TUB: variants seen among roughly 807,000 people sequenced by gnomAD.
The protein encoded by TUB is TUB bipartite transcription factor.
A neutral mutation model predicts 59.7 loss-of-function variants in TUB; 33 were observed. That is an observed-to-expected ratio of 0.55 (90% CI 0.42 to 0.74). The LOEUF is 0.74. TUB is among the 30% of genes least tolerant of loss of function. The pLI, the probability that TUB is intolerant of heterozygous loss-of-function variation, is 0.00. For synonymous variants in TUB, 293 were observed against 256.4 expected (o/e 1.14, Z -1.36); for missense variants, 659 against 672.0 (o/e 0.98, Z 0.21).
At chr11:8,093,923 G>T in intron 3 of TUB, 123 bp from the exon 4 acceptor site, 1 of 1,129,334 alleles carries the variant, frequency 8.9e-7, no homozygotes. Flanking sequence ...AAGTGGTACA[G>T]GGGCCCTGGT....
chr11:8,052,144 G>T (rs1275496278), intron 2 of TUB, among the ~76,000 whole-genome samples: 1 of 152,160 alleles, frequency 6.6e-6, no homozygotes, highest in East Asian at 1.9e-4. Context: ...TTCTTTTACG[G>T]TTACAAAATT....
intron 2 of TUB, among the ~76,000 whole-genome samples, chr11:8,047,826 C>A (rs1458398861): frequency 6.6e-6 from 1 of 152,178 alleles, no homozygotes; most frequent in Non-Finnish European, 1.5e-5. Context: ...CACAAAGAGC[C>A]TGATGCATCA....
chr11:8,079,177 G>A (rs989969567), upstream of TUB, among the ~76,000 whole-genome samples: 2 of 152,186 alleles, frequency 1.3e-5, no homozygotes, highest in African/African-American at 4.8e-5. Context: ...AATAAAGGGA[G>A]GAAAACAGCT....
Position 8,100,218 on chromosome 11 carries a change from G to A in TUB, c.1117-285G>A, listed in dbSNP as rs1269024978. ...AGAAACTGCTGATGGATTAGACGTAGGATGTAGAAGAGAGGACTCGAGTGT... is the reference window on the plus strand; with the variant it reads ...AGAAACTGCTGATGGATTAGACGTAAGATGTAGAAGAGAGGACTCGAGTGT... On this transcript the variant is annotated intron_variant, in intron 9 of 11. Coordinates refer to ENST00000299506, the MANE Select transcript of TUB (RefSeq NM_177972.3). 5.3e-5 allele frequency among the ~76,000 whole-genome samples: 8 copies of A among 152,338 alleles called. No homozygotes were observed. The East Asian group carries it at 1.5e-3, about 29-fold the overall frequency.
intron 2 of TUB, among the ~76,000 whole-genome samples, chr11:8,066,522 G>A (rs1943245093): frequency 6.6e-6 from 1 of 152,202 alleles, no homozygotes; most frequent in South Asian, 2.1e-4. Context: ...GAGGCAGCAG[G>A]GCTGTACAGA....
chr11:8,042,770 T>C (rs544942201), intron 2 of TUB, among the ~76,000 whole-genome samples: 158 of 152,320 alleles, frequency 1.0e-3, no homozygotes, highest in Middle Eastern at 3.4e-3. Context: ...ATATCTCTTA[T>C]CCATTTTTTA....
chr11:8,098,515 T>C lies in TUB; in HGVS notation c.999-243T>C, dbSNP rs534183998. Among the ~76,000 whole-genome samples the C allele has an allele frequency of 7.0e-4, 106 of 152,318 alleles. 1 individual carries two copies. In the South Asian group the frequency reaches 0.015, roughly 22 times the overall value. Reference sequence around the variant, plus strand: ...AGATAAATCTTCTGAAGAATCCTGATTGACCTCCCTGAATTGCTCTCACTG... The same window carrying C: ...AGATAAATCTTCTGAAGAATCCTGACTGACCTCCCTGAATTGCTCTCACTG... On this transcript the variant is annotated intron_variant, in intron 8 of 11. Transcript: ENST00000299506.
chr11:8,051,372 T>C (rs1426485164), intron 2 of TUB, among the ~76,000 whole-genome samples: 1 of 152,240 alleles, frequency 6.6e-6, no homozygotes. Context: ...ATAGCTCTTT[T>C]ATGGATTTGT....
chr11:8,079,281 G>A (rs780476742), upstream of TUB, among the ~76,000 whole-genome samples: 8 of 152,096 alleles, frequency 5.3e-5, no homozygotes, highest in African/African-American at 1.9e-4. Flanking sequence ...TGGAGGGCGC[G>A]GCCTCCAGGG....
chr11:8,092,317 C>T (rs371978476), intron 3 of TUB, among the ~76,000 whole-genome samples: 1 of 152,000 alleles, frequency 6.6e-6, no homozygotes, highest in East Asian at 1.9e-4. Flanking sequence ...GCCTGTAGTC[C>T]CAGCTACGTA....
intron 1 of TUB, among the ~76,000 whole-genome samples, chr11:8,088,828 C>G (rs150334090): frequency 6.6e-6 from 1 of 152,242 alleles, no homozygotes; most frequent in Non-Finnish European, 1.5e-5. Context: ...AGATGAGGCT[C>G]CCTGTCCCAA....
chr11:8,104,475 C>G lies in TUB; in HGVS notation c.*2856C>G, dbSNP rs914852891. ...GTGTTTATTTGGGGAAAAGGGCAAT[C>G]AGCAATCAACTGAGGTTTCTTAATT... On this transcript the variant is annotated 3_prime_UTR_variant, in exon 12 of 12. Transcript: ENST00000299506. 6.6e-6 allele frequency: 1 copy of G among 152,106 alleles called. No individual in the cohort carries two copies. Among genetic ancestry groups the G allele is most frequent in the Non-Finnish European group, 1.5e-5 (1 of 68,048 alleles). 9.4% of individuals were successfully genotyped at this position (152,106 alleles called of 1,614,324 possible).
chr11:8,053,698 T>G (rs975408216), intron 2 of TUB, among the ~76,000 whole-genome samples: 1 of 151,150 alleles, frequency 6.6e-6, no homozygotes, highest in Non-Finnish European at 1.5e-5. Context: ...AGACGGGGTT[T>G]CACCGTGTTA....
At chr11:8,027,848 C>T (rs1186484197) in intron 1 of TUB, among the ~76,000 whole-genome samples, 1 of 152,172 alleles carries the variant, frequency 6.6e-6, no homozygotes, top group African/African-American at 2.4e-5. Context: ...TGTTGATGGA[C>T]ACTTGGATTG....
At position 8,025,798 on chromosome 11, in the gene TUB, T is replaced by C. The variant is rs146471916; in HGVS notation, c.56+6440T>C. 2.5e-4 allele frequency among the ~76,000 whole-genome samples: 38 copies of C among 152,360 alleles called. No individual in the cohort carries two copies. The East Asian group carries it at 6.6e-3, about 26-fold the overall frequency. On this transcript the variant is annotated intron_variant, in intron 1 of 11. Coordinates refer to the TUB transcript ENST00000534099. ...ATGTACAGGTCTTTGTATGGACGTA[T>C]ACTTTTGTTTCTCTTAGGCAAATAC...
chr11:8,026,332 G>A (rs1589918611), intron 1 of TUB, among the ~76,000 whole-genome samples: 1 of 151,214 alleles, frequency 6.6e-6, no homozygotes, highest in East Asian at 2.0e-4. Context: ...TTTATAGATT[G>A]TTCTTCTGAT....
intron 2 of TUB, 48 bp downstream of exon 2, chr11:8,089,709 C>T (rs748684811): frequency 6.2e-7 from 1 of 1,609,598 alleles, no homozygotes; most frequent in Non-Finnish European, 8.5e-7. Context: ...GGGCTGGGAT[C>T]TCTGAGGGCA....
Position 8,105,242 on chromosome 11 carries a change from A to G in TUB, c.*3623A>G, listed in dbSNP as rs374567013. On this transcript the variant is annotated 3_prime_UTR_variant, in exon 12 of 12. Coordinates refer to ENST00000299506, the MANE Select transcript of TUB (RefSeq NM_177972.3). ...ATCCCTGTGTTAACTCAGGATGCCA[A>G]GTGGCCCTCAGATTACACTTCTCCA... The G allele has an allele frequency of 1.3e-5, 2 of 152,342 alleles. No homozygotes were observed. The highest frequency in any genetic ancestry group is 3.9e-4 in the East Asian group (2 of 5,182). 9.4% of individuals were successfully genotyped at this position (152,342 alleles called of 1,614,324 possible). A position where few individuals can be genotyped will look rare whatever the true frequency, so the allele number is the denominator to read the frequency against.
At chr11:8,038,722 GTTA>G in exon 1 of TUB, 5 of 1,491,426 alleles carry the variant, frequency 3.4e-6, no homozygotes, top group Non-Finnish European at 3.6e-6. Flanking sequence ...GATGGTGGTT[GTTA>G]GTCTGACTGT....
Sources: gnomAD v4.1 joint callset for allele counts (sites outside exome capture counted in the v4.1 genomes callset) on GRCh38, gnomAD v4.1.1 for gene constraint, MANE v1.5 for transcripts, NCBI Gene and HGNC (gene_info 2026-07-23, HGNC 2026-07-21) for gene names.